MARCHF4: variants seen among roughly 807,000 people sequenced by gnomAD.
MARCHF4 encodes membrane associated ring-CH-type finger 4.
Under a neutral mutation model 43.9 loss-of-function variants are expected in MARCHF4, and 14 were observed. The ratio of observed to expected loss-of-function variants is 0.32; its 90% CI spans 0.21 to 0.50. MARCHF4 has a LOEUF of 0.50. MARCHF4 is among the 20% of genes least tolerant of loss of function. The probability of loss-of-function intolerance (pLI) is 0.98; values close to 1 mark genes in which losing one functional copy is unlikely to be tolerated. For synonymous variants in MARCHF4, 226 were observed against 213.3 expected, an observed-to-expected ratio of 1.06 and a Z score of -0.52; for missense variants, 468 against 536.7, an observed-to-expected ratio of 0.87 and a Z score of 1.27.
intron 1 of MARCHF4, among the ~76,000 whole-genome samples, chr2:216,295,226 C>A (rs1691371837): frequency 6.6e-6 from 1 of 152,142 alleles, no homozygotes; most frequent in Admixed American, 6.5e-5. Flanking sequence ...CATGAGGATT[C>A]AATGGGATAA....
intron 1 of MARCHF4, among the ~76,000 whole-genome samples, chr2:216,313,035 C>A (rs192045221): frequency 2.6e-5 from 4 of 152,132 alleles, no homozygotes; most frequent in African/African-American, 9.7e-5. Context: ...AGTCTTTAAT[C>A]CACCTTGAGT....
At chr2:216,306,709 G>A (rs1052424964) in intron 1 of MARCHF4, among the ~76,000 whole-genome samples, 1 of 151,984 alleles carries the variant, frequency 6.6e-6, no homozygotes, top group East Asian at 1.9e-4. Context: ...AGTGTTGAGG[G>A]GTGGATATTA....
chr2:216,311,309 G>A (rs998987122), intron 1 of MARCHF4, among the ~76,000 whole-genome samples: 1 of 152,136 alleles, frequency 6.6e-6, no homozygotes, highest in Non-Finnish European at 1.5e-5. Context: ...CCAGGCTGGA[G>A]TGTAGTGGCA....
At chr2:216,362,940 A>G (rs557242959) in intron 1 of MARCHF4, among the ~76,000 whole-genome samples, 2 of 152,162 alleles carry the variant, frequency 1.3e-5, no homozygotes, top group East Asian at 3.9e-4. Context: ...CTCACTTCCA[A>G]CTTGGCTTCC....
At chr2:216,348,594 G>A (rs547955745) in intron 1 of MARCHF4, among the ~76,000 whole-genome samples, 1 of 152,268 alleles carries the variant, frequency 6.6e-6, no homozygotes, top group South Asian at 2.1e-4. Context: ...ATCCACCCCT[G>A]TTTAGTATAT....
At chr2:216,265,029 C>T (rs1690822150) in intron 3 of MARCHF4, among the ~76,000 whole-genome samples, 1 of 152,022 alleles carries the variant, frequency 6.6e-6, no homozygotes, top group Non-Finnish European at 1.5e-5. Flanking sequence ...GACTGGGGCT[C>T]ATCTGATAGG....
intron 3 of MARCHF4, chr2:216,266,248 T>G (rs892634723): frequency 6.6e-5 from 10 of 152,210 alleles, no homozygotes; most frequent in African/African-American, 2.4e-4. Context: ...GACTCAGTTT[T>G]CTCATCAGTA....
intron 1 of MARCHF4, among the ~76,000 whole-genome samples, chr2:216,313,194 A>G (rs2105957596): frequency 6.6e-6 from 1 of 152,234 alleles, no homozygotes; most frequent in Non-Finnish European, 1.5e-5. Context: ...TGTTGTAGGT[A>G]TGTGGCTTTT....
chr2:216,359,406 C>A (rs1692545394), intron 1 of MARCHF4, among the ~76,000 whole-genome samples: 2 of 152,178 alleles, frequency 1.3e-5, no homozygotes, highest in Non-Finnish European at 2.9e-5. Context: ...CCTACTTAGT[C>A]CTGTAGAAAG....
At chr2:216,287,456 G>T (rs947707297) in intron 1 of MARCHF4, among the ~76,000 whole-genome samples, 1 of 152,070 alleles carries the variant, frequency 6.6e-6, no homozygotes, top group African/African-American at 2.4e-5. Context: ...GATCTGCTCA[G>T]AGTGCTGGGG....
Position 216,370,356 on chromosome 2 carries a change from T to A in MARCHF4, c.-96A>T. On this transcript the variant is annotated 5_prime_UTR_variant, in exon 1 of 4. Transcript: ENST00000273067. ...GGGGGTCCACAGTGGATCTGTGTTGTGGGGGGAGTCTGCTTTCTCACTGGC... is the reference window on the plus strand; with the variant it reads ...GGGGGTCCACAGTGGATCTGTGTTGAGGGGGGAGTCTGCTTTCTCACTGGC... 1 of 1,022,718 alleles carries A rather than the reference T, an allele frequency of 9.8e-7. No individual in the cohort carries two copies. Among genetic ancestry groups the A allele is most frequent in the Non-Finnish European group, 1.4e-6 (1 of 739,672 alleles). The allele number at this position is 1,022,718 out of a possible 1,614,324, so 63.4% of individuals were successfully genotyped here.
chr2:216,361,783 T>A (rs1265523101), intron 1 of MARCHF4, among the ~76,000 whole-genome samples: 1 of 152,170 alleles, frequency 6.6e-6, no homozygotes, highest in African/African-American at 2.4e-5. Context: ...AGACATCTGA[T>A]TTTTTAAAGA....
At chr2:216,268,045 G>A (rs547705118) in intron 3 of MARCHF4, among the ~76,000 whole-genome samples, 2 of 152,324 alleles carry the variant, frequency 1.3e-5, no homozygotes, top group East Asian at 1.9e-4. Flanking sequence ...GTAACAGAAC[G>A]TGGATGGGCA....
chr2:216,283,877 G>A, intron 1 of MARCHF4, 148 bp from the exon 2 acceptor site: 1 of 844,092 alleles, frequency 1.2e-6, no homozygotes, highest in Non-Finnish European at 1.8e-6. Context: ...CCATGGAGGA[G>A]GCCTGGGCTC....
At chr2:216,347,585 G>A (rs1270775501) in intron 1 of MARCHF4, among the ~76,000 whole-genome samples, 3 of 152,072 alleles carry the variant, frequency 2.0e-5, no homozygotes, top group African/African-American at 4.8e-5. Flanking sequence ...AAAATTAGCC[G>A]GGCGTGGTGG....
Position 216,370,051 on chromosome 2 carries a change from G to A in MARCHF4, c.210C>T (p.Pro70=), listed in dbSNP as rs1324079963. 6.4e-7 allele frequency: 1 copy of A among 1,556,908 alleles called. No individual in the cohort carries two copies. The highest frequency in any genetic ancestry group is 8.7e-7 in the Non-Finnish European group (1 of 1,149,472). ...GGGTGTTGTTGGCCGCCAAACCGGG[G>A]GGCTGGGGGTCGCCGTGCATGGGCA... ...APLPMHGDPQ[P]PGLAANNTLP... Residue 70 remains proline (P), a synonymous_variant, in exon 1 of 4, where the codon CCC becomes CCT. Coordinates refer to ENST00000273067, the MANE Select transcript of MARCHF4 (RefSeq NM_020814.3).
At chr2:216,309,692 C>G (rs1016639159) in intron 1 of MARCHF4, among the ~76,000 whole-genome samples, 1 of 152,178 alleles carries the variant, frequency 6.6e-6, no homozygotes, top group Non-Finnish European at 1.5e-5. Flanking sequence ...ACTTGGAAAC[C>G]ATCTTGCTTC....
intron 1 of MARCHF4, among the ~76,000 whole-genome samples, chr2:216,284,597 C>T (rs966003703): frequency 6.6e-6 from 1 of 152,158 alleles, no homozygotes; most frequent in Non-Finnish European, 1.5e-5. Flanking sequence ...TCCCAAGTAG[C>T]TGAAACTACA....
intron 1 of MARCHF4, among the ~76,000 whole-genome samples, chr2:216,291,310 C>T (rs206370): frequency 0.97 from 148,208 of 152,268 alleles, 72,236 homozygotes; most frequent in East Asian, 1. Flanking sequence ...AACCGTGGAC[C>T]TGGCAAGTTT....
Sources: allele counts gnomAD v4.1 joint callset (sites outside exome capture counted in the v4.1 genomes callset), GRCh38; gene constraint gnomAD v4.1.1; transcripts MANE v1.5; gene names NCBI Gene and HGNC (gene_info 2026-07-23, HGNC 2026-07-21).